The following MED25 variants were observed in gnomAD, a reference collection of about 807,000 sequenced individuals.
The protein encoded by MED25 is mediator of RNA polymerase II transcription subunit 25.
A neutral mutation model predicts 89.4 loss-of-function variants in MED25; 62 were observed. The observed-to-expected ratio is 0.69, with a 90% confidence interval of 0.57 to 0.86. The LOEUF (loss-of-function observed/expected upper bound fraction) is 0.86, where lower values mean the gene tolerates loss of function less well. MED25 is among the 40% of genes least tolerant of loss of function. MED25 has a pLI of 0.00. For missense variants in MED25, 905 were observed against 1,005.2 expected (o/e 0.90, Z 1.35); for synonymous variants, 449 against 427.9 (o/e 1.05, Z -0.61).
rs1056986371 is a variant in MED25, at chr19:49,830,956, TGA to T, written c.1101+71_1101+72del. 6 of 1,492,574 alleles carry T rather than the reference TGA, an allele frequency of 4.0e-6. No individual in the cohort carries two copies. Among genetic ancestry groups the T allele is most frequent in the Non-Finnish European group, 5.5e-6 (6 of 1,085,528 alleles). 92.5% of individuals were successfully genotyped at this position (1,492,574 alleles called of 1,614,324 possible). ...GTCCACAGCTAGGACAGTTAGAGGA[TGA>T]GTCATTTGCCTTCCAGGGGGATGTG... On this transcript the variant is annotated intron_variant, in intron 9 of 17. Coordinates refer to ENST00000312865, the MANE Select transcript of MED25 (RefSeq NM_030973.4). The surrounding 1 kb of genome is among the most constrained non-coding windows in gnomAD (Gnocchi z 4.6).
Position 49,835,166 on chromosome 19 carries a change from C to T in MED25, c.1663C>T (p.Gln555Ter). 2 of 1,614,030 alleles carry T rather than the reference C, an allele frequency of 1.2e-6. No individual in the cohort carries two copies. The highest frequency in any genetic ancestry group is 1.7e-6 in the Non-Finnish European group (2 of 1,180,006). Residue 555 changes from glutamine (Q) to a stop codon, truncating the protein, a stop_gained, in exon 14 of 18, where the codon CAG becomes TAG. Transcript: ENST00000312865. LOFTEE classifies it high-confidence loss of function. This position sits in a 1 kb window ranked among gnomAD's most constrained non-coding sequence, Gnocchi z 6.2. ...KQVQQQKLEQ[Q>*]QRGMGGQQAP... Reference sequence around the variant, plus strand: ...GGTCCAGCAGCAGAAGCTGGAGCAGCAGCAGCGAGGAGTGAGTGTTGACAG... The same window carrying T: ...GGTCCAGCAGCAGAAGCTGGAGCAGTAGCAGCGAGGAGTGAGTGTTGACAG...
Position 49,823,138 on chromosome 19 carries a change from G to C in MED25, c.305+3842G>C, listed in dbSNP as rs541992205. 5.3e-5 allele frequency among the ~76,000 whole-genome samples: 8 copies of C among 152,110 alleles called. No homozygotes were observed. In the South Asian group the frequency reaches 1.5e-3, roughly 28 times the overall value. On this transcript the variant is annotated intron_variant, in intron 3 of 17. Coordinates refer to ENST00000312865, the MANE Select transcript of MED25 (RefSeq NM_030973.4). Reference sequence around the variant, plus strand: ...TGATTTCTTTATTTTAATTCTTGTAGAGATGAGGTCTTGCTGTGTTGCTCA... The same window carrying C: ...TGATTTCTTTATTTTAATTCTTGTACAGATGAGGTCTTGCTGTGTTGCTCA...
In MED25 at chr19:49,829,769, C is replaced by T. The variant is rs753299152; in HGVS notation, c.526-17C>T. The T allele has an allele frequency of 4.1e-5, 64 of 1,573,656 alleles. No individual in the cohort carries two copies. The highest frequency in any genetic ancestry group is 1.8e-4 in the Middle Eastern group (1 of 5,700). On this transcript the variant is annotated splice_polypyrimidine_tract_variant and intron_variant, in intron 5 of 17. Coordinates refer to ENST00000312865, the MANE Select transcript of MED25 (RefSeq NM_030973.4). This position sits in a 1 kb window ranked among gnomAD's most constrained non-coding sequence, Gnocchi z 4.6. Reference sequence around the variant, plus strand: ...ATGGAGGGGGCCCGTCATGACTGCTCGGCCCCTCTCCTACAGCGGGGGATC... The same window carrying T: ...ATGGAGGGGGCCCGTCATGACTGCTTGGCCCCTCTCCTACAGCGGGGGATC...
Position 49,835,892 on chromosome 19 carries a change from C to T in MED25, c.1912C>T (p.Gln638Ter), listed in dbSNP as rs1315613461. ...CCCTCCTGGACCCATCCTTCGGCCC[C>T]AGAACCCTGGGGCCAACCCTCAGCT... ...PPPPGPILRP[Q>*]NPGANPQLRS... The change falls in exon 16 of 18, where the codon CAG becomes TAG. Residue 638 changes from glutamine (Q) to a stop codon, truncating the protein, a stop_gained. Coordinates refer to ENST00000312865, the MANE Select transcript of MED25 (RefSeq NM_030973.4). LOFTEE classifies it high-confidence loss of function. The surrounding 1 kb of genome is among the most constrained non-coding windows in gnomAD (Gnocchi z 6.2). 1 of 1,612,862 alleles carries T rather than the reference C, an allele frequency of 6.2e-7. No individual in the cohort carries two copies. Among genetic ancestry groups the T allele is most frequent in the Non-Finnish European group, 8.5e-7 (1 of 1,179,934 alleles).
Position 49,830,891 on chromosome 19 carries a change from G to A in MED25, c.1101+4G>A, listed in dbSNP as rs746210338. On this transcript the variant is annotated splice_donor_region_variant and intron_variant, in intron 9 of 17. Coordinates refer to ENST00000312865, the MANE Select transcript of MED25 (RefSeq NM_030973.4). The surrounding 1 kb of genome is among the most constrained non-coding windows in gnomAD (Gnocchi z 4.6). ...ACAGCCCGGGGCACCGTCCATGGTAGGTGCCTGCACGCCTCCTGCCCCTGC... is the reference window on the plus strand; with the variant it reads ...ACAGCCCGGGGCACCGTCCATGGTAAGTGCCTGCACGCCTCCTGCCCCTGC... 1.1e-4 allele frequency: 180 copies of A among 1,602,452 alleles called. 4 individuals are homozygous for A. The Middle Eastern group carries it at 5.3e-3, about 47-fold the overall frequency.
At chr19:49,837,069 A>G, downstream of MED25, 7 of 825,114 alleles carry the variant, frequency 8.5e-6, no homozygotes, top group Non-Finnish European at 1.4e-5. Context: ...TTCAGCAGAC[A>G]TCCCTGGGGC....
In MED25 at chr19:49,830,899, C is replaced by G; in HGVS notation, c.1101+12C>G. On this transcript the variant is annotated intron_variant, in intron 9 of 17. Transcript: ENST00000312865. The surrounding 1 kb of genome is among the most constrained non-coding windows in gnomAD (Gnocchi z 4.6). Reference sequence around the variant, plus strand: ...GGGCACCGTCCATGGTAGGTGCCTGCACGCCTCCTGCCCCTGCTCCTTCCT... The same window carrying G: ...GGGCACCGTCCATGGTAGGTGCCTGGACGCCTCCTGCCCCTGCTCCTTCCT... 1.9e-6 allele frequency: 3 copies of G among 1,605,902 alleles called. No homozygotes were observed. Among genetic ancestry groups the G allele is most frequent in the Middle Eastern group, 3.5e-4 (2 of 5,752 alleles).
In MED25 at chr19:49,836,903, C is replaced by G; in HGVS notation, c.2203C>G (p.Pro735Ala). 6.2e-7 allele frequency: 1 copy of G among 1,612,978 alleles called. No homozygotes were observed. Among genetic ancestry groups the G allele is most frequent in the Non-Finnish European group, 8.5e-7 (1 of 1,179,856 alleles). Residue 735 changes from proline (P) to alanine (A), a missense_variant, in exon 18 of 18, where the codon CCC becomes GCC. Pro to Ala is a conservative substitution (Grantham distance 27). Coordinates refer to ENST00000312865, the MANE Select transcript of MED25 (RefSeq NM_030973.4). The surrounding 1 kb of genome is among the most constrained non-coding windows in gnomAD (Gnocchi z 5.1). The stretch of plus-strand genomic sequence containing the variant: ...CCCGGTCCCCCAGCCGGGCCTGCAG[C>G]CCAGCGTCATGGAGGACGACATCCT... ...RGPVPQPGLQ[P>A]SVMEDDILMD... is the part of the protein sequence containing the mutation.
At position 49,830,040 on chromosome 19, in the gene MED25, C is replaced by A; in HGVS notation, c.689-48C>A. 1 of 1,597,862 alleles carries A rather than the reference C, an allele frequency of 6.3e-7. No individual in the cohort carries two copies. Among genetic ancestry groups the A allele is most frequent in the Admixed American group, 1.7e-5 (1 of 59,486 alleles). On this transcript the variant is annotated intron_variant, in intron 6 of 17. Transcript: ENST00000312865. This position sits in a 1 kb window ranked among gnomAD's most constrained non-coding sequence, Gnocchi z 4.6. ...ATTTTGGATTTCTCTCCTTTCTCTG[C>A]ATCTTGAATCCCTTCTCTCTGGGGT...
At position 49,831,185 on chromosome 19, in the gene MED25, G is replaced by T; in HGVS notation, c.1102-148G>T. The T allele has an allele frequency of 1.2e-6, 1 of 858,298 alleles. No individual in the cohort carries two copies. The allele number at this position is 858,298 out of a possible 1,614,324, so 53.2% of individuals were successfully genotyped here. Reference sequence around the variant, plus strand: ...CGAATCCTGCAAGGTCCAAGCATTTGGGGTCCTGCGGCTGGCCAAGTGCTG... The same window carrying T: ...CGAATCCTGCAAGGTCCAAGCATTTTGGGTCCTGCGGCTGGCCAAGTGCTG... On this transcript the variant is annotated intron_variant, in intron 9 of 17. Coordinates refer to ENST00000312865, the MANE Select transcript of MED25 (RefSeq NM_030973.4). The surrounding 1 kb of genome is among the most constrained non-coding windows in gnomAD (Gnocchi z 5.0).
In MED25 at chr19:49,825,933, C is replaced by G. The variant is rs561942761; in HGVS notation, c.306-2516C>G. Among the ~76,000 whole-genome samples the G allele has an allele frequency of 1.7e-3, 256 of 152,142 alleles. 1 individual carries two copies. The highest frequency in any genetic ancestry group is 3.2e-3 in the Non-Finnish European group (215 of 67,998). On this transcript the variant is annotated intron_variant, in intron 3 of 17. Coordinates refer to ENST00000312865, the MANE Select transcript of MED25 (RefSeq NM_030973.4). Reference sequence around the variant, plus strand: ...ATCCCCAGCCAGGGTGGTTTTGGCTCGAGTCCCAGAAAGGCCCAGGAAAAT... The same window carrying G: ...ATCCCCAGCCAGGGTGGTTTTGGCTGGAGTCCCAGAAAGGCCCAGGAAAAT...
In MED25 at chr19:49,836,198, C is replaced by T; in HGVS notation, c.1966-28C>T. The T allele has an allele frequency of 6.2e-7, 1 of 1,609,748 alleles. No individual in the cohort carries two copies. Among genetic ancestry groups the T allele is most frequent in the Non-Finnish European group, 8.5e-7 (1 of 1,178,664 alleles). On this transcript the variant is annotated intron_variant, in intron 16 of 17. Coordinates refer to ENST00000312865, the MANE Select transcript of MED25 (RefSeq NM_030973.4). The surrounding 1 kb of genome is among the most constrained non-coding windows in gnomAD (Gnocchi z 5.1). ...GAGGTGGGGAGTCTCTACCAGGAGCCTCTGAGCCACTCTCTGTGTTCTCCC... is the reference window on the plus strand; with the variant it reads ...GAGGTGGGGAGTCTCTACCAGGAGCTTCTGAGCCACTCTCTGTGTTCTCCC...
intron 3 of MED25, among the ~76,000 whole-genome samples, chr19:49,827,995 T>C (rs914557571): frequency 1.3e-5 from 2 of 152,062 alleles, no homozygotes; most frequent in Non-Finnish European, 2.9e-5. Flanking sequence ...TTTGGGAGGC[T>C]GAGGCAAGTG....
At position 49,829,939 on chromosome 19, in the gene MED25, G is replaced by A. The variant is rs369825113; in HGVS notation, c.679G>A (p.Val227Met). 1.3e-4 allele frequency: 215 copies of A among 1,611,528 alleles called. 1 individual carries two copies. Among genetic ancestry groups the A allele is most frequent in the African/African-American group, 1.1e-3 (85 of 75,010 alleles). Reference sequence around the variant, plus strand: ...GCACATGGTGCTGGTTCGGGGACTCGTGCTGCCTGGTGAGGCCTGGGCACC... The same window carrying A: ...GCACATGGTGCTGGTTCGGGGACTCATGCTGCCTGGTGAGGCCTGGGCACC... Reference protein sequence around the residue: ...PRHMVLVRGLVLPVGGGSAPG... With the variant: ...PRHMVLVRGLMLPVGGGSAPG... The change falls in exon 6 of 18, where the codon GTG becomes ATG. Residue 227 changes from valine to methionine, a missense_variant. By Grantham distance (21) the Val-to-Met change is conservative. Coordinates refer to ENST00000312865, the MANE Select transcript of MED25 (RefSeq NM_030973.4). The surrounding 1 kb of genome is among the most constrained non-coding windows in gnomAD (Gnocchi z 4.6).
Position 49,830,544 on chromosome 19 carries a change from G to A in MED25, c.853G>A (p.Ala285Thr), listed in dbSNP as rs1318288681. ...GAACCTGAGTGCAGCTCAGGTGGCC[G>A]CGCAGAATGCAGTGGAGGCTGCCAA... is the stretch of plus-strand genomic sequence containing the variant. Reference protein sequence around the residue: ...PGNLSAAQVAAQNAVEAAKNQ... With the variant: ...PGNLSAAQVATQNAVEAAKNQ... The change falls in exon 8 of 18, where the codon GCG (alanine) becomes ACG (threonine). Residue 285 changes from alanine to threonine, a missense_variant. This residue lies in a region of MED25 where 501 missense variants were observed against 526.9 expected (regional missense o/e 0.95). Transcript: ENST00000312865. The surrounding 1 kb of genome is among the most constrained non-coding windows in gnomAD (Gnocchi z 4.6). The A allele has an allele frequency of 6.8e-6, 11 of 1,614,150 alleles. No individual in the cohort carries two copies. Among genetic ancestry groups the A allele is most frequent in the African/African-American group, 1.3e-5 (1 of 75,020 alleles).
At chr19:49,839,969 C>A (rs1039792130), downstream of MED25, 1 of 152,212 alleles carries the variant, frequency 6.6e-6, no homozygotes, top group African/African-American at 2.4e-5. Flanking sequence ...TTCCTAAATA[C>A]AAGTCTGTGT....
chr19:49,837,002 A>G (rs1252482656), downstream of MED25: 6 of 1,388,202 alleles, frequency 4.3e-6, no homozygotes, highest in African/African-American at 1.4e-5. Flanking sequence ...CGTCACTGAC[A>G]TCCCTCAGGA....
At position 49,836,503 on chromosome 19, in the gene MED25, A is replaced by G. The variant is rs1298283022; in HGVS notation, c.2146+97A>G. ...CCGAGTGCTCCTGGGAAGTAAAGAC[A>G]TAGGATCCAAGAATGAGGGTTCCCC... On this transcript the variant is annotated intron_variant, in intron 17 of 17. Coordinates refer to ENST00000312865, the MANE Select transcript of MED25 (RefSeq NM_030973.4). This position sits in a 1 kb window ranked among gnomAD's most constrained non-coding sequence, Gnocchi z 5.1. 13 of 1,420,786 alleles carry G rather than the reference A, an allele frequency of 9.1e-6. No individual in the cohort carries two copies. The South Asian group carries it at 1.2e-4, about 13-fold the overall frequency. 88.0% of individuals were successfully genotyped at this position (1,420,786 alleles called of 1,614,324 possible).
downstream of MED25, chr19:49,839,497 GCT>G (rs2074120528): frequency 6.6e-6 from 1 of 152,472 alleles, no homozygotes; most frequent in African/African-American, 2.4e-5. Context: ...TTTCACAGAA[GCT>G]CTGTGACTTG....
Sources: gnomAD v4.1 joint callset for allele counts (sites outside exome capture counted in the v4.1 genomes callset) on GRCh38, gnomAD v4.1.1 for gene constraint, gnomAD v4.1.1 regional missense constraint, Gnocchi (gnomAD v3.1) non-coding constraint, MANE v1.5 for transcripts, NCBI Gene and HGNC (gene_info 2026-07-23, HGNC 2026-07-21) for gene names.